Variants in KPNA1 observed in about 807,000 individuals in gnomAD.
KPNA1 encodes importin subunit alpha-5.
KPNA1 carries 10 observed loss-of-function variants against 70.5 expected under a neutral mutation model. The ratio of observed to expected loss-of-function variants is 0.14; its 90% CI spans 0.09 to 0.24. KPNA1 has a LOEUF of 0.24. Among genes scored for constraint, KPNA1 ranks in the 10% least tolerant of loss-of-function variants. The pLI is 1.00. For missense variants in KPNA1, 397 were observed against 637.9 expected, an observed-to-expected ratio of 0.62 and a Z score of 4.07; for synonymous variants, 192 against 221.9, an observed-to-expected ratio of 0.87 and a Z score of 1.20.
chr3:122,472,899 G>A (rs528262963), intron 2 of KPNA1, among the ~76,000 whole-genome samples: 3 of 151,952 alleles, frequency 2.0e-5, no homozygotes, highest in East Asian at 1.9e-4. Flanking sequence ...TGGCCAACGC[G>A]GCAAAACCCC....
intron 4 of KPNA1, among the ~76,000 whole-genome samples, chr3:122,462,730 T>C (rs1278251093): frequency 2.6e-5 from 4 of 152,186 alleles, no homozygotes; most frequent in African/African-American, 7.2e-5. Flanking sequence ...TTTTTTGTCA[T>C]AGTAGTAGTT....
At chr3:122,457,636 T>G in intron 5 of KPNA1, 1 of 1,137,148 alleles carries the variant, frequency 8.8e-7, no homozygotes, top group Non-Finnish European at 1.1e-6. Context: ...AGGTTTGATG[T>G]TTTCTCTCTT....
Position 122,441,997 on chromosome 3 carries a change from C to T in KPNA1, c.996+41G>A, listed in dbSNP as rs781272344. The T allele has an allele frequency of 2.3e-6, 3 of 1,292,226 alleles. No individual in the cohort carries two copies. The South Asian group carries it at 3.6e-5, about 15-fold the overall frequency. The allele number at this position is 1,292,226 out of a possible 1,614,324, so 80.0% of individuals were successfully genotyped here. On this transcript the variant is annotated intron_variant, in intron 10 of 13. Transcript: ENST00000344337. ...AAACATGATCATGAAGTTCAATATA[C>T]TGTTTTTAAAGGACAAAAAAAAGTT...
rs373916348 is a variant in KPNA1 at position 122,453,855 on chromosome 3, T to C, written c.564+15A>G. Reference sequence around the variant, plus strand: ...AAAACTTTCTTTCACCTGCTTCTTTTTGTTTCATTTTTACCTGTTCCTGGA... The same window carrying C: ...AAAACTTTCTTTCACCTGCTTCTTTCTGTTTCATTTTTACCTGTTCCTGGA... On this transcript the variant is annotated intron_variant, in intron 6 of 13. Coordinates refer to ENST00000344337, the MANE Select transcript of KPNA1 (RefSeq NM_002264.4). 1.1e-5 allele frequency: 18 copies of C among 1,585,322 alleles called. No individual in the cohort carries two copies. The African/African-American group carries it at 2.3e-4, about 20-fold the overall frequency.
rs144118691 is a variant in KPNA1, at chr3:122,476,861, C to CAAAAAAAAAAAAAAAAAA, written c.130-9450_130-9433dup. Among the ~76,000 whole-genome samples the CAAAAAAAAAAAAAAAAAA allele has an allele frequency of 4.9e-4, 32 of 65,486 alleles. 1 individual carries two copies. The highest frequency in any genetic ancestry group is 8.4e-4 in the East Asian group (1 of 1,190). 43.0% of individuals were successfully genotyped at this position (65,486 alleles called of 152,430 possible). A position where few individuals can be genotyped will look rare whatever the true frequency, so the allele number is the denominator to read the frequency against. On this transcript the variant is annotated intron_variant, in intron 2 of 13. Transcript: ENST00000344337. ...TATGAAAAACAGTATGGAGGTTCCA[C>CAAAAAAAAAAAAAAAAAA]AAAAAAAAAAAAAAAAAAAAAAACT...
chr3:122,450,941 C>T (rs1291873724), intron 8 of KPNA1, among the ~76,000 whole-genome samples: 1 of 152,090 alleles, frequency 6.6e-6, no homozygotes, highest in Non-Finnish European at 1.5e-5. Flanking sequence ...GGGAGCTAAG[C>T]TATGAGGACG....
intron 13 of KPNA1, 42 bp from the exon 14 acceptor site, chr3:122,427,214 A>C: frequency 7.0e-7 from 1 of 1,425,392 alleles, no homozygotes; most frequent in African/African-American, 1.4e-5. Context: ...GAAAACTTCA[A>C]TAAATATTGG....
chr3:122,433,825 G>A, intron 11 of KPNA1, 37 bp from the exon 12 acceptor site: 2 of 1,492,162 alleles, frequency 1.3e-6, no homozygotes, highest in Non-Finnish European at 1.8e-6. Flanking sequence ...AAAAAACTGT[G>A]AGATTTATAA....
intron 5 of KPNA1, among the ~76,000 whole-genome samples, chr3:122,455,984 CTAA>C (rs2076260546): frequency 6.6e-6 from 1 of 152,150 alleles, no homozygotes; most frequent in Non-Finnish European, 1.5e-5. Context: ...AACAATTTGA[CTAA>C]TGACTCGAGT....
intron 2 of KPNA1, among the ~76,000 whole-genome samples, chr3:122,473,131 T>C (rs900035980): frequency 6.6e-6 from 1 of 152,054 alleles, no homozygotes; most frequent in Non-Finnish European, 1.5e-5. Flanking sequence ...TTCCACAAAT[T>C]TGATCACCTA....
At chr3:122,451,166 G>A (rs986387588) in intron 8 of KPNA1, among the ~76,000 whole-genome samples, 4 of 151,946 alleles carry the variant, frequency 2.6e-5, no homozygotes, top group African/African-American at 9.7e-5. Flanking sequence ...GAATCTCATG[G>A]ACTCCCAGAG....
chr3:122,451,722 G>C (rs1359131956), intron 7 of KPNA1, 89 bp from the exon 8 acceptor site: 3 of 863,022 alleles, frequency 3.5e-6, no homozygotes, highest in Non-Finnish European at 5.5e-6. Flanking sequence ...TTTTGATAAA[G>C]AGATGTCTTC....
chr3:122,483,728 C>A (rs966407063), intron 2 of KPNA1, among the ~76,000 whole-genome samples: 2 of 152,140 alleles, frequency 1.3e-5, no homozygotes, highest in Non-Finnish European at 2.9e-5. Context: ...GGAATCCCAC[C>A]TCATCCCATT....
intron 2 of KPNA1, among the ~76,000 whole-genome samples, chr3:122,482,122 AG>A (rs2076578689): frequency 6.6e-6 from 1 of 152,286 alleles, no homozygotes; most frequent in African/African-American, 2.4e-5. Context: ...CACAGATTGT[AG>A]TTACACAAAC....
intron 6 of KPNA1, among the ~76,000 whole-genome samples, chr3:122,453,618 C>A (rs901494611): frequency 6.6e-6 from 1 of 152,042 alleles, no homozygotes; most frequent in African/African-American, 2.4e-5. Context: ...CTCACTGTAA[C>A]CTCCACCTCT....
At chr3:122,463,311 G>A (rs1056112253) in intron 4 of KPNA1, among the ~76,000 whole-genome samples, 3 of 149,756 alleles carry the variant, frequency 2.0e-5, no homozygotes, top group Non-Finnish European at 3.0e-5. Flanking sequence ...TAGCGCCACT[G>A]TACTCCAGCC....
intron 2 of KPNA1, among the ~76,000 whole-genome samples, chr3:122,475,442 A>T (rs928780716): frequency 6.6e-6 from 1 of 152,248 alleles, no homozygotes; most frequent in Non-Finnish European, 1.5e-5. Context: ...CTATCTACAG[A>T]TTCAATGTAA....
At chr3:122,462,163 T>C (rs1294526991) in intron 4 of KPNA1, among the ~76,000 whole-genome samples, 1 of 152,106 alleles carries the variant, frequency 6.6e-6, no homozygotes, top group East Asian at 1.9e-4. Context: ...AACTAGTTAA[T>C]ATGCTGAGTT....
intron 1 of KPNA1, among the ~76,000 whole-genome samples, chr3:122,512,832 C>T (rs2076970001): frequency 6.6e-6 from 1 of 152,224 alleles, no homozygotes; most frequent in Non-Finnish European, 1.5e-5. Flanking sequence ...TGTTGCCCTA[C>T]AGGACTGTAA....
Sources: allele counts gnomAD v4.1 joint callset (sites outside exome capture counted in the v4.1 genomes callset), GRCh38; gene constraint gnomAD v4.1.1; transcripts MANE v1.5; gene names NCBI Gene and HGNC (gene_info 2026-07-23, HGNC 2026-07-21).